NAV2: variants seen among roughly 807,000 people sequenced by gnomAD.
NAV2 encodes the protein neuron navigator 2, also known as helicase, APC down-regulated 1.
Under a neutral mutation model 223.2 loss-of-function variants are expected in NAV2, and 54 were observed. The ratio of observed to expected loss-of-function variants is 0.24; its 90% CI spans 0.19 to 0.30. The LOEUF (loss-of-function observed/expected upper bound fraction) is 0.30. Ranked by LOEUF, NAV2 falls within the 10% of genes least tolerant of loss-of-function variation. NAV2 has a pLI of 1.00. For missense variants in NAV2, 2,806 were observed against 3,147.5 expected (o/e 0.89, Z 2.60); for synonymous variants, 1,279 against 1,239.3 (o/e 1.03, Z -0.67).
intron 1 of NAV2, among the ~76,000 whole-genome samples, chr11:19,739,826 G>C (rs2052639197): frequency 6.6e-6 from 1 of 152,198 alleles, no homozygotes; most frequent in African/African-American, 2.4e-5. Context: ...GGAAGCAGCG[G>C]CTGGCAGCTC....
chr11:19,527,977 T>A (rs1301721617), intron 1 of NAV2, among the ~76,000 whole-genome samples: 2 of 123,038 alleles, frequency 1.6e-5, no homozygotes, highest in African/African-American at 7.8e-5. Flanking sequence ...CACACAATCC[T>A]GGGAATCAGG....
chr11:19,921,853 G>A (rs2044300619), intron 6 of NAV2, among the ~76,000 whole-genome samples: 1 of 152,214 alleles, frequency 6.6e-6, no homozygotes, highest in Non-Finnish European at 1.5e-5. Context: ...TTAGCACTGT[G>A]CCTGGCACAA....
At chr11:19,601,946 A>G (rs1157199201) in intron 1 of NAV2, among the ~76,000 whole-genome samples, 3 of 152,294 alleles carry the variant, frequency 2.0e-5, no homozygotes, top group Non-Finnish European at 2.9e-5. Flanking sequence ...CTTTCTGCAC[A>G]CAATCCTACA....
chr11:19,904,749 A>G (rs1390679377), intron 6 of NAV2, among the ~76,000 whole-genome samples: 1 of 152,150 alleles, frequency 6.6e-6, no homozygotes, highest in African/African-American at 2.4e-5. Context: ...AACTTTTCAC[A>G]TTTGTCTTCT....
chr11:19,353,697 T>C (rs1284137685), intron 1 of NAV2, among the ~76,000 whole-genome samples: 1 of 152,216 alleles, frequency 6.6e-6, no homozygotes, highest in Non-Finnish European at 1.5e-5. Context: ...CTTTTTTTCC[T>C]TTTGTTCTTA....
chr11:20,042,930 A>G (rs1258786467), intron 12 of NAV2, among the ~76,000 whole-genome samples: 3 of 152,268 alleles, frequency 2.0e-5, no homozygotes, highest in South Asian at 4.2e-4. Context: ...GGAGATCATT[A>G]ACGTCACACT....
At chr11:19,897,079 T>C (rs998878118) in intron 6 of NAV2, among the ~76,000 whole-genome samples, 24 of 152,056 alleles carry the variant, frequency 1.6e-4, no homozygotes, top group Non-Finnish European at 1.9e-4. Context: ...TCATGTCCTT[T>C]GTAGGGACAT....
intron 1 of NAV2, among the ~76,000 whole-genome samples, chr11:19,616,458 A>G (rs1034236635): frequency 6.6e-6 from 1 of 151,758 alleles, no homozygotes; most frequent in African/African-American, 2.4e-5. Flanking sequence ...CACATAAACT[A>G]TCCTTCACTT....
intron 1 of NAV2, among the ~76,000 whole-genome samples, chr11:19,460,266 T>C (rs562423503): frequency 6.6e-6 from 1 of 152,322 alleles, no homozygotes; most frequent in Admixed American, 6.5e-5. Context: ...TTAGAAAGAA[T>C]GTGGGGTTGG....
chr11:19,559,372 T>C (rs1297846238), intron 1 of NAV2, among the ~76,000 whole-genome samples: 2 of 152,242 alleles, frequency 1.3e-5, no homozygotes, highest in Non-Finnish European at 2.9e-5. Context: ...CCAAGTCATT[T>C]AACCCCCGAG....
Position 20,118,788 on chromosome 11 carries a change from C to A in NAV2, c.*530C>A. 6.0e-6 allele frequency: 1 copy of A among 165,372 alleles called. No homozygotes were observed. The highest frequency in any genetic ancestry group is 1.3e-5 in the Non-Finnish European group (1 of 77,320). 10.2% of individuals were successfully genotyped at this position (165,372 alleles called of 1,614,324 possible). On this transcript the variant is annotated 3_prime_UTR_variant, in exon 38 of 38. Transcript: ENST00000349880. ...CGGCCACAGGGAGAACTGGTGCTAA[C>A]CAGGGTGCTTGCTTTGGTCACGTTC...
intron 12 of NAV2, among the ~76,000 whole-genome samples, chr11:20,037,537 C>T (rs1442510642): frequency 6.6e-6 from 1 of 152,138 alleles, no homozygotes; most frequent in Non-Finnish European, 1.5e-5. Context: ...AGAAACCCAA[C>T]CTAGTGACAG....
At chr11:19,477,092 T>C (rs1001954795) in intron 1 of NAV2, among the ~76,000 whole-genome samples, 68 of 152,174 alleles carry the variant, frequency 4.5e-4, no homozygotes, top group African/African-American at 1.5e-3. Context: ...TGGCCAGTCT[T>C]GGGTCAAGCG....
At chr11:20,094,849 C>G (rs566903139) in intron 29 of NAV2, among the ~76,000 whole-genome samples, 3 of 152,308 alleles carry the variant, frequency 2.0e-5, no homozygotes, top group Admixed American at 6.5e-5. Context: ...ACACCTCCCC[C>G]ACCTCCACCC....
intron 35 of NAV2, among the ~76,000 whole-genome samples, chr11:20,105,977 G>T (rs956365050): frequency 1.3e-5 from 2 of 150,712 alleles, no homozygotes; most frequent in African/African-American, 2.4e-5. Flanking sequence ...CCACCTCAAG[G>T]TTCCCCCAAG....
At chr11:20,000,081 T>C (rs1469100579) in intron 11 of NAV2, among the ~76,000 whole-genome samples, 1 of 152,212 alleles carries the variant, frequency 6.6e-6, no homozygotes, top group Non-Finnish European at 1.5e-5. Flanking sequence ...CCCTGACCTC[T>C]GTCCTTGGGG....
chr11:19,348,526 A>G (rs1335272232), upstream of NAV2, among the ~76,000 whole-genome samples: 1 of 152,070 alleles, frequency 6.6e-6, no homozygotes, highest in African/African-American at 2.4e-5. Context: ...AAGTTACTTG[A>G]CCTCTCTTAT....
intron 2 of NAV2, among the ~76,000 whole-genome samples, chr11:19,833,946 T>C (rs913220029): frequency 6.6e-6 from 1 of 152,188 alleles, no homozygotes; most frequent in Non-Finnish European, 1.5e-5. Context: ...AATGCCAGCA[T>C]GGGAGAAAGC....
At chr11:19,877,386 G>T (rs1018764377) in intron 4 of NAV2, among the ~76,000 whole-genome samples, 3 of 151,438 alleles carry the variant, frequency 2.0e-5, no homozygotes, top group Non-Finnish European at 2.9e-5. Flanking sequence ...TCCCTCCAGT[G>T]AATTCAGTTT....
Sources: allele counts gnomAD v4.1 joint callset (sites outside exome capture counted in the v4.1 genomes callset), GRCh38; gene constraint gnomAD v4.1.1; transcripts MANE v1.5; gene names NCBI Gene and HGNC (gene_info 2026-07-23, HGNC 2026-07-21).